The following CACNA1A variants were observed in gnomAD, a reference collection of about 807,000 sequenced individuals.
The protein encoded by CACNA1A is calcium voltage-gated channel subunit alpha1 A.
Under a neutral mutation model 262.4 loss-of-function variants are expected in CACNA1A, and 57 were observed. That is an observed-to-expected ratio of 0.22 (90% CI 0.18 to 0.27). CACNA1A has a LOEUF of 0.27. Ranked by LOEUF, CACNA1A falls within the 10% of genes least tolerant of loss-of-function variation. The probability of loss-of-function intolerance (pLI) is 1.00; values close to 1 mark genes in which losing one functional copy is unlikely to be tolerated. For missense variants in CACNA1A, 2,526 were observed against 3,562.8 expected (o/e 0.71, Z 7.41); for synonymous variants, 1,431 against 1,419.3 (o/e 1.01, Z -0.18).
chr19:13,484,667 A>C (rs1462142958), intron 1 of CACNA1A, among the ~76,000 whole-genome samples: 1 of 152,250 alleles, frequency 6.6e-6, no homozygotes, highest in Non-Finnish European at 1.5e-5. Flanking sequence ...ATTCACAGAC[A>C]TAAAATCATT....
At chr19:13,268,987 C>A (rs1036000909) in intron 24 of CACNA1A, among the ~76,000 whole-genome samples, 2 of 151,068 alleles carry the variant, frequency 1.3e-5, no homozygotes, top group Non-Finnish European at 2.9e-5. Flanking sequence ...GCGTAAGCCA[C>A]CGCACCCGGC....
intron 1 of CACNA1A, among the ~76,000 whole-genome samples, chr19:13,480,788 T>C (rs542430174): frequency 1.2e-4 from 18 of 152,334 alleles, no homozygotes; most frequent in Non-Finnish European, 1.9e-4. Context: ...GAATATATAA[T>C]TACATAACAT....
chr19:13,455,006 G>C, intron 2 of CACNA1A, 101 bp downstream of exon 2: 2 of 643,720 alleles, frequency 3.1e-6, no homozygotes, highest in Non-Finnish European at 5.6e-6. Flanking sequence ...CTGGCTCTGG[G>C]CTCCAGGACT....
intron 32 of CACNA1A, 139 bp from the exon 33 acceptor site, chr19:13,235,413 A>G: frequency 1.1e-6 from 1 of 882,662 alleles, no homozygotes; most frequent in Admixed American, 2.0e-5. Context: ...GCTGGTGGGC[A>G]TCTCTGGGGG....
chr19:13,286,479 T>G, intron 20 of CACNA1A, 24 bp downstream of exon 20: 6 of 1,113,162 alleles, frequency 5.4e-6, no homozygotes, highest in Non-Finnish European at 7.6e-6. Context: ...CCCTGCCCAG[T>G]GATGTGAGAG....
chr19:13,481,337 C>T (rs1979282259), intron 1 of CACNA1A, among the ~76,000 whole-genome samples: 1 of 152,200 alleles, frequency 6.6e-6, no homozygotes, highest in African/African-American at 2.4e-5. Context: ...GAACTTGGTC[C>T]TGTCTACCTC....
intron 10 of CACNA1A, among the ~76,000 whole-genome samples, chr19:13,320,684 T>C (rs2058235009): frequency 1.3e-5 from 2 of 152,136 alleles, no homozygotes; most frequent in African/African-American, 4.8e-5. Context: ...CTGTCACTTC[T>C]GTTAGTTGAA....
At chr19:13,455,700 C>A (rs1231208914) in intron 1 of CACNA1A, among the ~76,000 whole-genome samples, 1 of 151,936 alleles carries the variant, frequency 6.6e-6, no homozygotes, top group African/African-American at 2.4e-5. Flanking sequence ...GGGGTCAGGG[C>A]TGCAATTTCA....
At chr19:13,362,748 T>C (rs2144508519) in intron 5 of CACNA1A, 1 of 152,344 alleles carries the variant, frequency 6.6e-6, no homozygotes, top group African/African-American at 2.4e-5. Flanking sequence ...AGGGGTCTTG[T>C]TTCCTCTAAC....
chr19:13,336,904 T>C (rs2058587046), intron 6 of CACNA1A, among the ~76,000 whole-genome samples: 1 of 152,234 alleles, frequency 6.6e-6, no homozygotes, highest in South Asian at 2.1e-4. Context: ...CTGGGAAGCC[T>C]TGCCTCCAGC....
chr19:13,429,941 C>G (rs928127303), intron 3 of CACNA1A, among the ~76,000 whole-genome samples: 2 of 138,196 alleles, frequency 1.4e-5, no homozygotes, highest in Non-Finnish European at 3.1e-5. Flanking sequence ...GAAACTAGAA[C>G]GGCGGGTGCC....
intron 7 of CACNA1A, 100 bp from the exon 8 acceptor site, chr19:13,334,593 T>TGTG (rs1568545428): frequency 8.3e-5 from 42 of 508,156 alleles, no homozygotes; most frequent in African/African-American, 5.9e-4. Flanking sequence ...GTGTGTGTGT[T>TGTG]TGTGTGTGTG....
At position 13,207,725 on chromosome 19, in the gene CACNA1A, C is replaced by A; in HGVS notation, c.7109G>T (p.Arg2370Leu). 2 of 1,370,348 alleles carry A rather than the reference C, an allele frequency of 1.5e-6. No homozygotes were observed. Among genetic ancestry groups the A allele is most frequent in the East Asian group, 3.1e-5 (1 of 32,278 alleles). 84.9% of individuals were successfully genotyped at this position (1,370,348 alleles called of 1,614,324 possible). ...CTCGCTCCGGGCCGGGCCTGGGACC[C>A]GCCTCTCCATCCTGGGCGAGCGGCC... ...SSGRSPRMER[R>L]VPGPARSESP... The change falls in exon 47 of 47, where the codon CGG becomes CTG. Residue 2370 changes from arginine (R) to leucine (L), a missense_variant. Physicochemically the swap from Arg to Leu is moderately radical, Grantham distance 102. This residue lies in a region of CACNA1A where 929 missense variants were observed against 868.1 expected (regional missense o/e 1.07). Coordinates refer to ENST00000360228, the MANE Select transcript of CACNA1A (RefSeq NM_001127222.2). The surrounding 1 kb of genome is among the most constrained non-coding windows in gnomAD (Gnocchi z 5.7).
intron 46 of CACNA1A, 22 bp downstream of exon 46, chr19:13,208,734 G>A (rs1422999445): frequency 6.4e-7 from 1 of 1,561,406 alleles, no homozygotes; most frequent in Non-Finnish European, 8.6e-7. Flanking sequence ...CCCAGCCTGG[G>A]GTCACTTGCA....
Position 13,224,776 on chromosome 19 carries a change from C to A in CACNA1A, c.5626-4G>T, listed in dbSNP as rs1450535392. On this transcript the variant is annotated splice_polypyrimidine_tract_variant and splice_region_variant and intron_variant, in intron 37 of 46. Transcript: ENST00000360228. ...GCAGGTCCATCCGCAGAAGCCGCTACAGAAAACCCAAGGCAAGCGCAGTCA... is the reference window on the plus strand; with the variant it reads ...GCAGGTCCATCCGCAGAAGCCGCTAAAGAAAACCCAAGGCAAGCGCAGTCA... 2 of 1,601,290 alleles carry A rather than the reference C, an allele frequency of 1.2e-6. No individual in the cohort carries two copies. The highest frequency in any genetic ancestry group is 1.7e-4 in the Middle Eastern group (1 of 6,020).
At chr19:13,218,801 A>T (rs2055113031) in intron 38 of CACNA1A, among the ~76,000 whole-genome samples, 1 of 152,082 alleles carries the variant, frequency 6.6e-6, no homozygotes, top group Non-Finnish European at 1.5e-5. Flanking sequence ...GCAATGGCAC[A>T]GTCTCAGCTC....
intron 6 of CACNA1A, among the ~76,000 whole-genome samples, chr19:13,347,067 G>GATT (rs1555770841): frequency 3.6e-5 from 5 of 138,606 alleles, no homozygotes; most frequent in Non-Finnish European, 7.6e-5. Context: ...TTGTTTTTTT[G>GATT]TTTTTTTTTT....
intron 3 of CACNA1A, among the ~76,000 whole-genome samples, chr19:13,376,451 T>G (rs567313336): frequency 2.0e-5 from 3 of 151,968 alleles, no homozygotes; most frequent in African/African-American, 7.2e-5. Context: ...GCTCTATAAA[T>G]GGAACAATGA....
intron 45 of CACNA1A, 146 bp from the exon 46 acceptor site, chr19:13,209,155 A>G: frequency 2.2e-6 from 3 of 1,336,828 alleles, no homozygotes; most frequent in South Asian, 2.8e-5. Flanking sequence ...GGGAGGGGGT[A>G]GTACCCAGGT....
Sources: allele counts gnomAD v4.1 joint callset (sites outside exome capture counted in the v4.1 genomes callset), GRCh38; gene constraint gnomAD v4.1.1; regional missense constraint gnomAD v4.1.1; non-coding constraint Gnocchi (gnomAD v3.1); transcripts MANE v1.5; gene names NCBI Gene and HGNC (gene_info 2026-07-23, HGNC 2026-07-21).